The following STRA6 variants were observed in gnomAD, a reference collection of about 807,000 sequenced individuals.
STRA6 encodes signaling receptor and transporter of retinol STRA6, also known as receptor for retinol uptake STRA6.
STRA6 carries 48 observed loss-of-function variants against 83.6 expected under a neutral mutation model. The ratio of observed to expected loss-of-function variants is 0.57; its 90% CI spans 0.46 to 0.73. STRA6 has a LOEUF of 0.73. STRA6 is among the 30% of genes least tolerant of loss of function. The probability of loss-of-function intolerance (pLI) is 0.00; values close to 1 mark genes in which losing one functional copy is unlikely to be tolerated. For missense variants in STRA6, 760 were observed against 838.8 expected (o/e 0.91, Z 1.16); for synonymous variants, 353 against 362.3 (o/e 0.97, Z 0.29).
At chr15:74,202,805 T>A (rs557975560), upstream of STRA6, 62 of 1,109,726 alleles carry the variant, frequency 5.6e-5, no homozygotes, top group African/African-American at 8.8e-4. Flanking sequence ...CCCTCCCAGC[T>A]GGGCTCCCTT....
rs934764095 is a variant in STRA6 at position 74,201,927 on chromosome 15, G to C, written c.113+228C>G. 2.6e-5 allele frequency among the ~76,000 whole-genome samples: 4 copies of C among 152,144 alleles called. No individual in the cohort carries two copies. In the East Asian group the frequency reaches 5.8e-4, roughly 22 times the overall value. On this transcript the variant is annotated intron_variant, in intron 2 of 18. Transcript: ENST00000395105. ...TCACACATCATACCTAAGGTGACCAGCCTTAGGTGTCTTAACAGCAGGGTG... is the reference window on the plus strand; with the variant it reads ...TCACACATCATACCTAAGGTGACCACCCTTAGGTGTCTTAACAGCAGGGTG...
intron 4 of STRA6, 84 bp downstream of exon 4, chr15:74,197,254 G>C: frequency 1.0e-6 from 1 of 981,834 alleles, no homozygotes; most frequent in Non-Finnish European, 1.6e-6. Context: ...CTGCCTTTTA[G>C]GTACCTAACA....
At chr15:74,185,720 C>T (rs2073214043) in intron 12 of STRA6, among the ~76,000 whole-genome samples, 1 of 152,228 alleles carries the variant, frequency 6.6e-6, no homozygotes, top group Non-Finnish European at 1.5e-5. Flanking sequence ...CACCTTACGT[C>T]CACATCCAGT....
At position 74,202,481 on chromosome 15, in the gene STRA6, G is replaced by A. The variant is rs566868459; in HGVS notation, c.-15-199C>T. On this transcript the variant is annotated intron_variant, in intron 1 of 18. Transcript: ENST00000395105. ...CCTGAGCAAGCTGGCACGGGAAGAG[G>A]ACAGGGCCTCTCGTGTCCCCTCCTC... 1.9e-5 allele frequency: 29 copies of A among 1,535,654 alleles called. No individual in the cohort carries two copies. The Admixed American group carries it at 5.7e-4, about 30-fold the overall frequency.
chr15:74,194,250 G>A (rs963840491), intron 7 of STRA6: 3 of 848,140 alleles, frequency 3.5e-6, no homozygotes, highest in Non-Finnish European at 4.8e-6. Flanking sequence ...GGAGCATTAG[G>A]AACAGTTCTG....
At chr15:74,199,067 G>A (rs2073943907) in intron 2 of STRA6, among the ~76,000 whole-genome samples, 1 of 152,212 alleles carries the variant, frequency 6.6e-6, no homozygotes, top group South Asian at 2.1e-4. Flanking sequence ...TGGCAGCATG[G>A]GTGAGGCCAG....
At chr15:74,199,948 G>A (rs2073983226) in intron 2 of STRA6, among the ~76,000 whole-genome samples, 1 of 152,190 alleles carries the variant, frequency 6.6e-6, no homozygotes, top group Admixed American at 6.5e-5. Context: ...TGGGAGCAGT[G>A]GCTCACGCCT....
At chr15:74,204,678 A>G (rs2074218013), upstream of STRA6, among the ~76,000 whole-genome samples, 1 of 152,190 alleles carries the variant, frequency 6.6e-6, no homozygotes, top group Non-Finnish European at 1.5e-5. Context: ...TACACTTGTA[A>G]TCCTAGCACT....
chr15:74,194,960 C>T (rs1595851162), intron 7 of STRA6: 1 of 1,429,426 alleles, frequency 7.0e-7, no homozygotes, highest in Non-Finnish European at 9.1e-7. Context: ...ACTCCCATTC[C>T]CTCTCCAGCC....
In STRA6 at chr15:74,195,296, G is replaced by A. The variant is rs374631703; in HGVS notation, c.597+6C>T. 530 of 1,611,810 alleles carry A rather than the reference G, an allele frequency of 3.3e-4. 3 individuals are homozygous for A. The highest frequency in any genetic ancestry group is 2.8e-3 in the South Asian group (251 of 90,854). ...TCTGCCCTAGGCCATTGTGATCAGC[G>A]GTTACCTTGGGCACCTGGGGACACT... is the stretch of plus-strand genomic sequence containing the variant. On this transcript the variant is annotated splice_donor_region_variant and intron_variant, in intron 7 of 18. Transcript: ENST00000395105.
intron 8 of STRA6, among the ~76,000 whole-genome samples, chr15:74,192,444 G>T (rs571803225): frequency 6.6e-6 from 1 of 152,142 alleles, no homozygotes; most frequent in African/African-American, 2.4e-5. Context: ...GGGCCTTCTC[G>T]GACCAGAGTA....
rs772962287 is a variant in STRA6 at position 74,193,825 on chromosome 15, C to G, written c.695G>C (p.Ser232Thr). ...CTTGGAGCCTGCTCCTGTCCTACGG[C>G]TGAAGCTTCTCACCAGCTGCACAGG... ...WYPVQLVRSF[S>T]RRTGAGSKGL... is the part of the protein sequence containing the mutation. The change falls in exon 8 of 19, where the codon AGC becomes ACC. Residue 232 changes from serine to threonine, a missense_variant. Transcript: ENST00000395105. 2 of 1,613,996 alleles carry G rather than the reference C, an allele frequency of 1.2e-6. No individual in the cohort carries two copies. Among genetic ancestry groups the G allele is most frequent in the Admixed American group, 1.7e-5 (1 of 60,024 alleles).
In STRA6 at chr15:74,188,391, C is replaced by T. The variant is rs534574436; in HGVS notation, c.1090+724G>A. ...AGAAGGCGCATGCCTCCTGAGTCCT[C>T]AGCACCGGGCTTTGTCCCAAGGTGA... On this transcript the variant is annotated intron_variant, in intron 12 of 18. Coordinates refer to ENST00000395105, the MANE Select transcript of STRA6 (RefSeq NM_022369.4). The surrounding 1 kb of genome is among the most constrained non-coding windows in gnomAD (Gnocchi z 4.5). Among the ~76,000 whole-genome samples, 5 of 152,358 alleles carry T rather than the reference C, an allele frequency of 3.3e-5. No individual in the cohort carries two copies. In the South Asian group the frequency reaches 1.0e-3, roughly 32 times the overall value.
Position 74,193,892 on chromosome 15 carries a change from G to A in STRA6, c.628C>T (p.Leu210=), listed in dbSNP as rs536144391. The change falls in exon 8 of 19, where the codon CTG becomes TTG. Residue 210 remains leucine, a synonymous_variant. Transcript: ENST00000395105. ...IYKYYSLLAS[L]PLLLGLGFLS... ...AATCCGAGGCCCAGCAGGAGAGGCA[G>A]GGAGGCCAGCAGGGAGTAGTACTTG... is the stretch of plus-strand genomic sequence containing the variant. The A allele has an allele frequency of 1.2e-5, 20 of 1,613,834 alleles. No homozygotes were observed. The South Asian group carries it at 2.1e-4, about 17-fold the overall frequency.
intron 1 of STRA6, chr15:74,208,010 C>G: frequency 7.2e-7 from 1 of 1,389,056 alleles, no homozygotes; most frequent in Non-Finnish European, 9.3e-7. Flanking sequence ...ATGTGCCCTT[C>G]CTGCAATTCT....
At chr15:74,189,052 G>A in intron 12 of STRA6, 63 bp downstream of exon 12, 1 of 1,596,906 alleles carries the variant, frequency 6.3e-7, no homozygotes. Context: ...CTAGGGCATA[G>A]ACCTTGGGTC....
At chr15:74,189,031 T>A in intron 12 of STRA6, 84 bp downstream of exon 12, 2 of 1,531,818 alleles carry the variant, frequency 1.3e-6, no homozygotes, top group South Asian at 2.3e-5. Flanking sequence ...CCCCAGTGTG[T>A]CCATGGCTGA....
At chr15:74,183,594 T>A (rs8037290) in intron 14 of STRA6, 3 of 1,330,318 alleles carry the variant, frequency 2.3e-6, no homozygotes, top group Non-Finnish European at 9.7e-7. Flanking sequence ...TCCACCCCCA[T>A]GTGAATACTT....
rs59698407 is a variant in STRA6, at chr15:74,188,008, G to C, written c.1090+1107C>G. On this transcript the variant is annotated intron_variant, in intron 12 of 18. Transcript: ENST00000395105. The surrounding 1 kb of genome is among the most constrained non-coding windows in gnomAD (Gnocchi z 4.5). ...TATGAACCAGATTGCAACCAGCTCA[G>C]AAAATCTCCTGGGAGAGGACATTTT... is the stretch of plus-strand genomic sequence containing the variant. Among the ~76,000 whole-genome samples the C allele has an allele frequency of 8.8e-3, 1,334 of 152,300 alleles. 23 individuals are homozygous for C. The highest frequency in any genetic ancestry group is 0.03 in the African/African-American group (1,258 of 41,568).
Sources: allele counts gnomAD v4.1 joint callset (sites outside exome capture counted in the v4.1 genomes callset), GRCh38; gene constraint gnomAD v4.1.1; non-coding constraint Gnocchi (gnomAD v3.1); transcripts MANE v1.5; gene names NCBI Gene and HGNC (gene_info 2026-07-23, HGNC 2026-07-21).